Variants in ARHGAP6 observed in about 807,000 individuals in gnomAD.
The protein encoded by ARHGAP6 is rho GTPase-activating protein 6.
ARHGAP6 carries 16 observed loss-of-function variants against 55.7 expected under a neutral mutation model. The ratio of observed to expected loss-of-function variants is 0.29; its 90% CI spans 0.19 to 0.44. The LOEUF (loss-of-function observed/expected upper bound fraction) is 0.44. Among genes scored for constraint, ARHGAP6 ranks in the 20% least tolerant of loss-of-function variants. ARHGAP6 has a pLI of 1.00. For missense variants in ARHGAP6, 698 were observed against 808.9 expected, an observed-to-expected ratio of 0.86 and a Z score of 1.66; for synonymous variants, 382 against 360.9, an observed-to-expected ratio of 1.06 and a Z score of -0.66.
chrX:11,512,592 T>C (rs754100375), intron 1 of ARHGAP6, among the ~76,000 whole-genome samples: 1 of 111,410 alleles, frequency 9.0e-6, no homozygotes, highest in Admixed American at 9.7e-5. Context: ...GGTACTTCAG[T>C]TTTGAGCCTA....
At chrX:11,560,983 A>G (rs2051378760) in intron 1 of ARHGAP6, among the ~76,000 whole-genome samples, 1 of 112,179 alleles carries the variant, frequency 8.9e-6, no homozygotes, top group African/African-American at 3.2e-5. Flanking sequence ...GGCAGGGGCC[A>G]CACCTGGACT....
At chrX:11,208,101 T>A (rs1031019204) in intron 2 of ARHGAP6, among the ~76,000 whole-genome samples, 6 of 111,948 alleles carry the variant, frequency 5.4e-5, no homozygotes, top group Admixed American at 9.5e-5. Flanking sequence ...CCATTTACCC[T>A]TTCATTAAGA....
intron 1 of ARHGAP6, among the ~76,000 whole-genome samples, chrX:11,326,802 C>T (rs1038165668): frequency 1.6e-4 from 18 of 111,952 alleles, no homozygotes; most frequent in African/African-American, 5.2e-4. Flanking sequence ...GCTGCAAATG[C>T]CTCATCATGA....
chrX:11,535,512 G>A (rs995451283), intron 1 of ARHGAP6, among the ~76,000 whole-genome samples: 5 of 111,774 alleles, frequency 4.5e-5, no homozygotes, highest in East Asian at 2.8e-4. Flanking sequence ...TGCTGAAAGC[G>A]GCAGGTCCCA....
At chrX:11,634,742 ACT>A (rs900378792) in intron 1 of ARHGAP6, among the ~76,000 whole-genome samples, 5 of 111,944 alleles carry the variant, frequency 4.5e-5, no homozygotes, top group African/African-American at 9.7e-5. Flanking sequence ...TAAATGAGAC[ACT>A]CTGTAATTAT....
At chrX:11,612,592 C>T (rs1214062861) in intron 1 of ARHGAP6, among the ~76,000 whole-genome samples, 1 of 112,065 alleles carries the variant, frequency 8.9e-6, no homozygotes, top group Non-Finnish European at 1.9e-5. Flanking sequence ...GGAAGTAGAC[C>T]GTCACCAGAT....
At chrX:11,179,278 C>T (rs2147331029) in intron 7 of ARHGAP6, 24 bp downstream of exon 7, 2 of 1,165,615 alleles carry the variant, frequency 1.7e-6, no homozygotes, top group Non-Finnish European at 2.3e-6. Context: ...GGGCCACTTT[C>T]CCACATATGG....
intron 1 of ARHGAP6, among the ~76,000 whole-genome samples, chrX:11,483,226 T>C (rs1448459691): frequency 8.9e-6 from 1 of 111,876 alleles, no homozygotes; most frequent in Non-Finnish European, 1.9e-5. Flanking sequence ...TGCAATGTGT[T>C]CAAGAGGCAG....
At chrX:11,632,852 T>C (rs768229812) in intron 1 of ARHGAP6, among the ~76,000 whole-genome samples, 109 of 112,309 alleles carry the variant, frequency 9.7e-4, no homozygotes, top group Non-Finnish European at 1.7e-3. Flanking sequence ...GTCCATCCCT[T>C]GGCTTTTGTG....
Position 11,628,984 on chromosome X carries a change from CGTGTGTGTGTGT to C in ARHGAP6, c.588+35245_588+35256del, listed in dbSNP as rs55999982. Among the ~76,000 whole-genome samples, 11 of 101,467 alleles carry C rather than the reference CGTGTGTGTGTGT, an allele frequency of 1.1e-4. No individual in the cohort carries two copies. In the East Asian group the frequency reaches 1.6e-3, roughly 14 times the overall value. The allele number at this position is 101,467 out of a possible 115,157, so 88.1% of individuals were successfully genotyped here. On this transcript the variant is annotated intron_variant, in intron 1 of 12. Coordinates refer to ENST00000337414, the MANE Select transcript of ARHGAP6 (RefSeq NM_013427.3). ...TATGATCATCCCCATGCTTCAGATACGTGTGTGTGTGTGTGTGTGTGTGTGTGTGTGTGTGTA... is the reference window on the plus strand; with the variant it reads ...TATGATCATCCCCATGCTTCAGATACGTGTGTGTGTGTGTGTGTGTGTGTA...
chrX:11,297,722 G>A (rs770869217), intron 1 of ARHGAP6, among the ~76,000 whole-genome samples: 8 of 112,037 alleles, frequency 7.1e-5, no homozygotes, highest in Admixed American at 4.7e-4. Flanking sequence ...CTGTTGAACC[G>A]AAAAGATTGA....
intron 1 of ARHGAP6, among the ~76,000 whole-genome samples, chrX:11,278,858 T>A (rs1195526021): frequency 2.7e-5 from 3 of 111,171 alleles, no homozygotes; most frequent in East Asian, 2.8e-4. Context: ...TATTTTTTTT[T>A]AATTTTCAGA....
chrX:11,610,909 A>C (rs1017245608), intron 1 of ARHGAP6, among the ~76,000 whole-genome samples: 14 of 112,351 alleles, frequency 1.2e-4, no homozygotes, highest in Non-Finnish European at 9.4e-5. Flanking sequence ...ATTTCATATA[A>C]ATGGGACCAT....
At chrX:11,611,675 C>T (rs2052103346) in intron 1 of ARHGAP6, among the ~76,000 whole-genome samples, 1 of 111,865 alleles carries the variant, frequency 8.9e-6, no homozygotes, top group Non-Finnish European at 1.9e-5. Flanking sequence ...TTCAAACCAA[C>T]AAGCAGTAAA....
At chrX:11,474,034 C>G (rs778642389) in intron 1 of ARHGAP6, among the ~76,000 whole-genome samples, 1 of 111,223 alleles carries the variant, frequency 9.0e-6, no homozygotes, top group East Asian at 2.8e-4. Context: ...GGGTTCTTTG[C>G]AAAGTGAAAT....
chrX:11,197,100 C>A, intron 2 of ARHGAP6, 104 bp from the exon 3 acceptor site: 1 of 468,401 alleles, frequency 2.1e-6, no homozygotes, highest in Non-Finnish European at 3.7e-6. Context: ...TCTTACTTCA[C>A]TTATAATTTG....
chrX:11,419,181 G>C (rs1395023149), intron 1 of ARHGAP6, among the ~76,000 whole-genome samples: 1 of 112,343 alleles, frequency 8.9e-6, no homozygotes, highest in African/African-American at 3.2e-5. Context: ...CTCTGGTAAC[G>C]CTGGTCCCTC....
chrX:11,585,612 C>A (rs1472604987), intron 1 of ARHGAP6, among the ~76,000 whole-genome samples: 2 of 112,417 alleles, frequency 1.8e-5, no homozygotes, highest in Non-Finnish European at 3.8e-5. Flanking sequence ...CCTTTGCCCA[C>A]TTTTTAATGG....
chrX:11,199,105 A>C lies in ARHGAP6; in HGVS notation c.749-2109T>G, dbSNP rs748041466. On this transcript the variant is annotated intron_variant, in intron 2 of 12. Coordinates refer to ENST00000337414, the MANE Select transcript of ARHGAP6 (RefSeq NM_013427.3). The stretch of plus-strand genomic sequence containing the variant: ...TTCATGAGATTCATCCTGTTGAAGC[A>C]GGTAGCTGTAGATCATTCCTTTTGA... 2.1e-4 allele frequency among the ~76,000 whole-genome samples: 24 copies of C among 112,420 alleles called. No homozygotes were observed. In the East Asian group the frequency reaches 6.7e-3, roughly 31 times the overall value.
Sources: allele counts gnomAD v4.1 joint callset (sites outside exome capture counted in the v4.1 genomes callset), GRCh38; gene constraint gnomAD v4.1.1; transcripts MANE v1.5; gene names NCBI Gene and HGNC (gene_info 2026-07-23, HGNC 2026-07-21).